The following HS1BP3 variants were observed in gnomAD, a reference collection of about 807,000 sequenced individuals.
HS1BP3 encodes the protein HCLS1-binding protein 3.
In HS1BP3, 32 loss-of-function variants were observed where a neutral mutation model predicts 33.5. That is an observed-to-expected ratio of 0.95 (90% confidence interval 0.72 to 1.28). HS1BP3 has a LOEUF of 1.28. HS1BP3 is among the 50% of genes most tolerant of loss of function. HS1BP3 has a pLI of 0.00. For missense variants in HS1BP3, 486 were observed against 502.3 expected (o/e 0.97, Z 0.31); for synonymous variants, 187 against 209.2 (o/e 0.89, Z 0.92).
chr2:20,564,401 G>C (rs917371923), intron 5 of HS1BP3, among the ~76,000 whole-genome samples: 1 of 152,240 alleles, frequency 6.6e-6, no homozygotes, highest in African/African-American at 2.4e-5. Flanking sequence ...TGACCAGCCA[G>C]TTCCTTCTGT....
At chr2:20,561,591 G>A (rs572774252) in intron 5 of HS1BP3, among the ~76,000 whole-genome samples, 101 of 152,124 alleles carry the variant, frequency 6.6e-4, no homozygotes, top group African/African-American at 2.4e-3. Flanking sequence ...CCACACATAT[G>A]CATATGCGTA....
the HS1BP3 span, among the ~76,000 whole-genome samples, chr2:20,554,722 A>G: frequency 6.6e-6 from 1 of 151,376 alleles, no homozygotes. Context: ...AAAAAAAAAA[A>G]GCACTCAGAC....
chr2:20,629,831 C>T (rs1229909233), intron 4 of HS1BP3, among the ~76,000 whole-genome samples: 1 of 152,238 alleles, frequency 6.6e-6, no homozygotes, highest in African/African-American at 2.4e-5. Context: ...GAGGCGGCAG[C>T]TGCCGCGGCT....
At chr2:20,580,036 A>C (rs1488333320) in intron 5 of HS1BP3, among the ~76,000 whole-genome samples, 1 of 152,130 alleles carries the variant, frequency 6.6e-6, no homozygotes, top group Non-Finnish European at 1.5e-5. Flanking sequence ...TAGGGCAGAA[A>C]CTCCCTGAAC....
intron 3 of HS1BP3, among the ~76,000 whole-genome samples, chr2:20,596,037 C>A (rs1424296504): frequency 6.6e-6 from 1 of 152,078 alleles, no homozygotes; most frequent in Non-Finnish European, 1.5e-5. Flanking sequence ...TTACCTCTTG[C>A]CCTGAGGTCT....
chr2:20,643,592 A>G (rs1695425957), intron 2 of HS1BP3, among the ~76,000 whole-genome samples: 1 of 152,146 alleles, frequency 6.6e-6, no homozygotes. Context: ...CAGCATTGCT[A>G]TTCTAGACGC....
chr2:20,634,446 A>C (rs1183901618), intron 4 of HS1BP3, among the ~76,000 whole-genome samples: 1 of 152,184 alleles, frequency 6.6e-6, no homozygotes, highest in Non-Finnish European at 1.5e-5. Context: ...GCATCAGGGG[A>C]GCCCTGGGTG....
At chr2:20,627,856 G>A (rs991644086) in intron 4 of HS1BP3, among the ~76,000 whole-genome samples, 1 of 152,188 alleles carries the variant, frequency 6.6e-6, no homozygotes, top group Non-Finnish European at 1.5e-5. Flanking sequence ...GCTTAGTAAT[G>A]TGCCTGGTCC....
chr2:20,590,564 G>A (rs1193963381), downstream of HS1BP3, among the ~76,000 whole-genome samples: 2 of 152,172 alleles, frequency 1.3e-5, no homozygotes, highest in African/African-American at 2.4e-5. Context: ...TCACGTCCCC[G>A]TACTCCACCT....
Position 20,624,678 on chromosome 2 carries a change from G to A in HS1BP3, c.784+54C>T, listed in dbSNP as rs186350022. On this transcript the variant is annotated intron_variant, in intron 5 of 6. Transcript: ENST00000304031. Reference sequence around the variant, plus strand: ...CGGGTGAGTCCAGACCCTGCCTGGTGATGGGGCTGGGCACCGAGAGGACAC... The same window carrying A: ...CGGGTGAGTCCAGACCCTGCCTGGTAATGGGGCTGGGCACCGAGAGGACAC... The A allele has an allele frequency of 4.4e-3, 6,710 of 1,517,414 alleles. 95 individuals carry two copies. The highest frequency in any genetic ancestry group is 0.023 in the South Asian group (1,812 of 79,572). The allele number at this position is 1,517,414 out of a possible 1,614,324, so 94.0% of individuals were successfully genotyped here.
Position 20,631,938 on chromosome 2 carries a change from G to A in HS1BP3, c.623+6498C>T, listed in dbSNP as rs537891027. Among the ~76,000 whole-genome samples the A allele has an allele frequency of 7.9e-5, 12 of 152,352 alleles. No individual in the cohort carries two copies. In the South Asian group the frequency reaches 1.9e-3, roughly 24 times the overall value. On this transcript the variant is annotated intron_variant, in intron 4 of 6. Transcript: ENST00000304031. ...CCCACAGTCTGCAGTAACCTGCCCAGGAAGCCAGACCACAGCCTCTGCAGC... is the reference window on the plus strand; with the variant it reads ...CCCACAGTCTGCAGTAACCTGCCCAAGAAGCCAGACCACAGCCTCTGCAGC...
intron 5 of HS1BP3, among the ~76,000 whole-genome samples, chr2:20,576,337 C>G (rs376407495): frequency 3.3e-5 from 5 of 152,312 alleles, no homozygotes; most frequent in African/African-American, 1.2e-4. Context: ...CATATGGACT[C>G]TATGTGTTCC....
chr2:20,601,516 C>T (rs911588123), intron 2 of HS1BP3, among the ~76,000 whole-genome samples: 1 of 152,094 alleles, frequency 6.6e-6, no homozygotes, highest in Non-Finnish European at 1.5e-5. Context: ...GTGGGAGGGA[C>T]CCGGTGGGAG....
downstream of HS1BP3, among the ~76,000 whole-genome samples, chr2:20,588,669 G>A (rs1393512136): frequency 2.6e-5 from 4 of 152,188 alleles, no homozygotes; most frequent in African/African-American, 9.7e-5. Flanking sequence ...AGGCCCCAGG[G>A]TTTCAGCTCC....
intron 5 of HS1BP3, among the ~76,000 whole-genome samples, chr2:20,573,472 C>T (rs988385804): frequency 1.3e-5 from 2 of 152,186 alleles, no homozygotes; most frequent in Non-Finnish European, 2.9e-5. Context: ...TGCTTTTAAT[C>T]CTGAGGATCA....
chr2:20,585,330 C>T (rs1172670530), intron 5 of HS1BP3, among the ~76,000 whole-genome samples: 2 of 152,216 alleles, frequency 1.3e-5, no homozygotes, highest in Non-Finnish European at 2.9e-5. Flanking sequence ...TTGCCTGGGA[C>T]AATCCTGGGT....
At position 20,651,085 on chromosome 2, in the gene HS1BP3, CG is replaced by C; in HGVS notation, c.-23del. 8.1e-7 allele frequency: 1 copy of C among 1,229,662 alleles called. No homozygotes were observed. 76.2% of individuals were successfully genotyped at this position (1,229,662 alleles called of 1,614,324 possible). A position where few individuals can be genotyped will look rare whatever the true frequency, so the allele number is the denominator to read the frequency against. ...GCATGACGGCGGCGGGGACTCCGGG[CG>C]GGGCGCGCAGTCACGGGACCCGGCA... On this transcript the variant is annotated 5_prime_UTR_variant, in exon 1 of 7. Transcript: ENST00000304031.
intron 5 of HS1BP3, among the ~76,000 whole-genome samples, chr2:20,585,151 C>G (rs1693650419): frequency 6.6e-6 from 1 of 152,090 alleles, no homozygotes; most frequent in South Asian, 2.1e-4. Flanking sequence ...GCCCCTCCTC[C>G]CACTCTGTCC....
downstream of HS1BP3, among the ~76,000 whole-genome samples, chr2:20,588,548 G>A (rs1306635395): frequency 6.6e-6 from 1 of 152,074 alleles, no homozygotes; most frequent in African/African-American, 2.4e-5. Flanking sequence ...TCGAATTCCC[G>A]ACCTGAAGTG....
Sources: gnomAD v4.1 joint callset for allele counts (sites outside exome capture counted in the v4.1 genomes callset) on GRCh38, gnomAD v4.1.1 for gene constraint, MANE v1.5 for transcripts, NCBI Gene and HGNC (gene_info 2026-07-23, HGNC 2026-07-21) for gene names.